Variants in TNS1 observed in about 807,000 individuals in gnomAD.
The protein encoded by TNS1 is tensin 1, also known as tensin-1.
In TNS1, 62 loss-of-function variants were observed where a neutral mutation model predicts 168.6. That is an observed-to-expected ratio of 0.37 (90% CI 0.30 to 0.45). The LOEUF (loss-of-function observed/expected upper bound fraction) is 0.45. TNS1 is among the 20% of genes least tolerant of loss of function. The pLI is 1.00. For missense variants in TNS1, 2,240 were observed against 2,339.4 expected (o/e 0.96, Z 0.88); for synonymous variants, 934 against 933.2 (o/e 1.00, Z -0.02).
Position 217,995,674 on chromosome 2 carries a change from T to C in TNS1, c.34-4618A>G, listed in dbSNP as rs1421320550. Among the ~76,000 whole-genome samples, 6 of 151,972 alleles carry C rather than the reference T, an allele frequency of 3.9e-5. No homozygotes were observed. In the East Asian group the frequency reaches 1.2e-3, roughly 29 times the overall value. ...CTCACGGAGCACACCCCGGGGCCCT[T>C]CCTTTGCTGGCTGCAAAGGAACCTA... On this transcript the variant is annotated intron_variant, in intron 1 of 32. Coordinates refer to ENST00000682258, the MANE Select transcript of TNS1 (RefSeq NM_001387777.1). This position sits in a 1 kb window ranked among gnomAD's most constrained non-coding sequence, Gnocchi z 4.1.
chr2:217,970,926 A>G (rs1957760940), intron 3 of TNS1, among the ~76,000 whole-genome samples: 1 of 151,936 alleles, frequency 6.6e-6, no homozygotes, highest in Non-Finnish European at 1.5e-5. Context: ...AAAAACCAGG[A>G]AAGAAAGCCC....
At chr2:217,996,832 C>A (rs549257040) in intron 1 of TNS1, among the ~76,000 whole-genome samples, 1 of 152,144 alleles carries the variant, frequency 6.6e-6, no homozygotes, top group African/African-American at 2.4e-5. Context: ...CCTCCACTCA[C>A]CCCAAATGCT....
Position 217,885,735 on chromosome 2 carries a change from A to G in TNS1, c.1116+9T>C. On this transcript the variant is annotated intron_variant, in intron 15 of 32. Coordinates refer to ENST00000682258, the MANE Select transcript of TNS1 (RefSeq NM_001387777.1). ...AAGGATGGGGCTTGACACAGAGGAC[A>G]GCACTCACCAAGATGTCTCCCTTCA... 1 of 1,609,834 alleles carries G rather than the reference A, an allele frequency of 6.2e-7. No individual in the cohort carries two copies. Among genetic ancestry groups the G allele is most frequent in the East Asian group, 2.2e-5 (1 of 44,810 alleles).
At chr2:217,815,052 A>G in intron 24 of TNS1, 54 bp from the exon 25 acceptor site, 1 of 1,445,374 alleles carries the variant, frequency 6.9e-7, no homozygotes, top group Non-Finnish European at 9.6e-7. Context: ...TTCACCCAAA[A>G]CATACATCAA....
At chr2:217,865,537 C>T (rs1271954284) in intron 18 of TNS1, among the ~76,000 whole-genome samples, 1 of 152,180 alleles carries the variant, frequency 6.6e-6, no homozygotes, top group Non-Finnish European at 1.5e-5. Flanking sequence ...GAGAAGAACA[C>T]ACATCAAAGA....
chr2:217,804,775 C>T (rs1232885089), intron 32 of TNS1, among the ~76,000 whole-genome samples, 172 bp from the exon 33 acceptor site: 1 of 152,146 alleles, frequency 6.6e-6, no homozygotes, highest in Non-Finnish European at 1.5e-5. Flanking sequence ...TCTGTGCACT[C>T]CCCTGACCAC....
intron 18 of TNS1, among the ~76,000 whole-genome samples, chr2:217,856,295 C>T (rs1948126187): frequency 6.6e-6 from 1 of 152,104 alleles, no homozygotes. Flanking sequence ...CATGAGGGTA[C>T]AGAGGGCCCC....
At chr2:217,817,199 T>G (rs1225076050) in intron 24 of TNS1, among the ~76,000 whole-genome samples, 3 of 152,056 alleles carry the variant, frequency 2.0e-5, no homozygotes, top group Non-Finnish European at 4.4e-5. Flanking sequence ...ACCATTAGTT[T>G]TGGGGTGGCG....
intron 3 of TNS1, among the ~76,000 whole-genome samples, chr2:217,978,466 A>C (rs924846046): frequency 6.6e-6 from 1 of 151,466 alleles, no homozygotes; most frequent in African/African-American, 2.4e-5. Context: ...AACACCTTCA[A>C]AGGCCGCTCT....
intron 15 of TNS1, 69 bp downstream of exon 15, chr2:217,885,675 G>A (rs975499046): frequency 4.2e-5 from 64 of 1,524,668 alleles, no homozygotes; most frequent in Non-Finnish European, 5.4e-5. Flanking sequence ...CAAGAGGCAG[G>A]AAAGGAGTAA....
intron 6 of TNS1, chr2:217,905,414 G>A: frequency 2.3e-6 from 1 of 441,650 alleles, no homozygotes; most frequent in South Asian, 1.6e-5. Context: ...GGCTGCCCCA[G>A]GGCAATGTGG....
intron 18 of TNS1, chr2:217,858,535 C>G: frequency 1.0e-6 from 1 of 986,188 alleles, no homozygotes; most frequent in Non-Finnish European, 1.2e-6. Context: ...GAGGGAAGCC[C>G]GCTCTGATTT....
intron 15 of TNS1, 126 bp downstream of exon 15, chr2:217,885,618 C>T (rs1435810933): frequency 2.2e-6 from 2 of 918,210 alleles, no homozygotes; most frequent in Admixed American, 4.0e-5. Flanking sequence ...GCCCTGAGAG[C>T]CTATGGTTCC....
chr2:217,995,445 A>G lies in TNS1; in HGVS notation c.34-4389T>C, dbSNP rs1046268108. Among the ~76,000 whole-genome samples, 22 of 150,440 alleles carry G rather than the reference A, an allele frequency of 1.5e-4. No individual in the cohort carries two copies. The highest frequency in any genetic ancestry group is 1.2e-4 in the Non-Finnish European group (8 of 67,454). ...GAAGGCATAATGAGACTCAGTGGGG[A>G]AAAAAAAAACTTAACAATCAGATGC... On this transcript the variant is annotated intron_variant, in intron 1 of 32. Coordinates refer to ENST00000682258, the MANE Select transcript of TNS1 (RefSeq NM_001387777.1). The surrounding 1 kb of genome is among the most constrained non-coding windows in gnomAD (Gnocchi z 4.1).
At position 217,800,617 on chromosome 2, in the gene TNS1, A is replaced by G. The variant is rs1937342469; in HGVS notation, c.*3842T>C. 6.6e-6 allele frequency: 1 copy of G among 152,242 alleles called. No individual in the cohort carries two copies. Among genetic ancestry groups the G allele is most frequent in the African/African-American group, 2.4e-5 (1 of 41,446 alleles). 9.4% of individuals were successfully genotyped at this position (152,242 alleles called of 1,614,324 possible). On this transcript the variant is annotated 3_prime_UTR_variant, in exon 33 of 33. Coordinates refer to ENST00000682258, the MANE Select transcript of TNS1 (RefSeq NM_001387777.1). Reference sequence around the variant, plus strand: ...TGGCCAAGGAAACGCGAGTCTCAGGATTCCAGGGCCTGGACCTGGGGTAAA... The same window carrying G: ...TGGCCAAGGAAACGCGAGTCTCAGGGTTCCAGGGCCTGGACCTGGGGTAAA...
At chr2:217,930,919 T>C (rs1327910906) in intron 3 of TNS1, among the ~76,000 whole-genome samples, 1 of 151,940 alleles carries the variant, frequency 6.6e-6, no homozygotes, top group Non-Finnish European at 1.5e-5. Flanking sequence ...ACAGAGCTTC[T>C]AGGAAGTTCC....
At position 217,804,268 on chromosome 2, in the gene TNS1, C is replaced by T. The variant is rs1937971454; in HGVS notation, c.*191G>A. 2 of 623,382 alleles carry T rather than the reference C, an allele frequency of 3.2e-6. No homozygotes were observed. Among genetic ancestry groups the T allele is most frequent in the Admixed American group, 6.2e-5 (2 of 32,014 alleles). The allele number at this position is 623,382 out of a possible 1,614,324, so 38.6% of individuals were successfully genotyped here. A position where few individuals can be genotyped will look rare whatever the true frequency, so the allele number is the denominator to read the frequency against. Reference sequence around the variant, plus strand: ...TTCTCCTCCATCTTTCTCTCTCTCTCTCTCTCTCTCTCTCTCTCTCTTTTC... The same window carrying T: ...TTCTCCTCCATCTTTCTCTCTCTCTTTCTCTCTCTCTCTCTCTCTCTTTTC... On this transcript the variant is annotated 3_prime_UTR_variant, in exon 33 of 33. Coordinates refer to ENST00000682258, the MANE Select transcript of TNS1 (RefSeq NM_001387777.1).
intron 14 of TNS1, 36 bp from the exon 15 acceptor site, chr2:217,885,855 G>T (rs1038863146): frequency 6.2e-7 from 1 of 1,608,436 alleles, no homozygotes; most frequent in Non-Finnish European, 8.5e-7. Context: ...AGAGTGGGCT[G>T]CTGGAGGGGA....
At chr2:217,979,125 C>T (rs1957973940) in intron 2 of TNS1, among the ~76,000 whole-genome samples, 1 of 151,924 alleles carries the variant, frequency 6.6e-6, no homozygotes, top group Non-Finnish European at 1.5e-5. Flanking sequence ...AGAGGTAGCC[C>T]GGACCCGGGC....
Sources: allele counts gnomAD v4.1 joint callset (sites outside exome capture counted in the v4.1 genomes callset), GRCh38; gene constraint gnomAD v4.1.1; non-coding constraint Gnocchi (gnomAD v3.1); transcripts MANE v1.5; gene names NCBI Gene and HGNC (gene_info 2026-07-23, HGNC 2026-07-21).